Variants in CYP2C19 observed in about 807,000 individuals in gnomAD.
CYP2C19 encodes cytochrome P450 2C19.
CYP2C19 carries 59 observed loss-of-function variants against 40.9 expected under a neutral mutation model. The observed-to-expected ratio is 1.44, with a 90% confidence interval of 1.17 to 1.79. The LOEUF is 1.79. Among genes scored for constraint, CYP2C19 ranks in the 40% most tolerant of loss-of-function variants. The pLI is 0.00. For synonymous variants in CYP2C19, 253 were observed against 208.7 expected, an observed-to-expected ratio of 1.21 and a Z score of -1.83; for missense variants, 754 against 596.9, an observed-to-expected ratio of 1.26 and a Z score of -2.74.
intron 5 of CYP2C19, among the ~76,000 whole-genome samples, chr10:94,811,836 C>A (rs1848929795): frequency 6.6e-6 from 1 of 151,846 alleles, no homozygotes; most frequent in Non-Finnish European, 1.5e-5. Flanking sequence ...TCCAATTTGC[C>A]AGTCTGTGTC....
intron 6 of CYP2C19, among the ~76,000 whole-genome samples, chr10:94,835,739 A>G (rs1212209555): frequency 6.6e-6 from 1 of 152,138 alleles, no homozygotes; most frequent in African/African-American, 2.4e-5. Flanking sequence ...CTTCATGGAC[A>G]TGGAAGACTA....
chr10:94,765,995 A>G (rs1848236679), intron 1 of CYP2C19, among the ~76,000 whole-genome samples: 1 of 152,112 alleles, frequency 6.6e-6, no homozygotes, highest in African/African-American at 2.4e-5. Context: ...GAGGTTGGAA[A>G]TGTAAGAATG....
intron 8 of CYP2C19, 101 bp from the exon 9 acceptor site, chr10:94,852,632 C>G (rs749434165): frequency 7.8e-6 from 10 of 1,286,014 alleles, no homozygotes; most frequent in Non-Finnish European, 1.1e-5. Context: ...ATTCACCGAA[C>G]AGTTCTTGCA....
intron 1 of CYP2C19, among the ~76,000 whole-genome samples, chr10:94,769,331 A>T (rs1214157706): frequency 4.6e-5 from 7 of 152,144 alleles, no homozygotes; most frequent in African/African-American, 1.7e-4. Flanking sequence ...GACCAAAGAG[A>T]TGAGGGCTAT....
At chr10:94,790,320 A>T (rs9663112) in intron 5 of CYP2C19, among the ~76,000 whole-genome samples, 10,378 of 152,120 alleles carry the variant, frequency 0.068, 410 homozygotes, top group South Asian at 0.12. Context: ...CTCTTTTCCT[A>T]ATTGAATACC....
intron 6 of CYP2C19, among the ~76,000 whole-genome samples, chr10:94,821,457 G>A (rs1849120212): frequency 6.6e-6 from 1 of 152,276 alleles, no homozygotes; most frequent in East Asian, 1.9e-4. Flanking sequence ...AGTCTGATAA[G>A]TATTCTAAAA....
intron 7 of CYP2C19, among the ~76,000 whole-genome samples, chr10:94,848,565 T>A (rs566623724): frequency 1.3e-5 from 2 of 152,324 alleles, no homozygotes; most frequent in East Asian, 1.9e-4. Context: ...ATGCAGGCTC[T>A]TTTTTGGTTC....
At position 94,849,942 on chromosome 10, in the gene CYP2C19, C is replaced by A; in HGVS notation, c.1175C>A (p.Thr392Asn). Residue 392 changes from threonine to asparagine, a missense_variant, in exon 8 of 9, where the codon ACT becomes AAT. Thr to Asn is a moderately conservative substitution (Grantham distance 65). Coordinates refer to ENST00000371321, the MANE Select transcript of CYP2C19 (RefSeq NM_000769.4). ...GGCACAACCATATTAACTTCCCTCA[C>A]TTCTGTGCTACATGACAACAAAGAA... ...PKGTTILTSL[T>N]SVLHDNKEFP... is the part of the protein sequence containing the mutation. The A allele has an allele frequency of 7.4e-6, 12 of 1,613,788 alleles. No individual in the cohort carries two copies. The highest frequency in any genetic ancestry group is 1.0e-5 in the Non-Finnish European group (12 of 1,179,774).
At chr10:94,790,997 T>C (rs754296443) in intron 5 of CYP2C19, among the ~76,000 whole-genome samples, 3 of 152,184 alleles carry the variant, frequency 2.0e-5, no homozygotes, top group Non-Finnish European at 4.4e-5. Flanking sequence ...CCTCTGGTTC[T>C]GGACTTTTTT....
intron 6 of CYP2C19, among the ~76,000 whole-genome samples, chr10:94,823,230 T>C (rs1183880612): frequency 2.0e-5 from 3 of 152,134 alleles, no homozygotes; most frequent in Non-Finnish European, 4.4e-5. Flanking sequence ...AACGAGGCTC[T>C]CTCTGCCTAG....
At chr10:94,786,088 G>C (rs1020195695) in intron 5 of CYP2C19, among the ~76,000 whole-genome samples, 2 of 151,884 alleles carry the variant, frequency 1.3e-5, no homozygotes, top group African/African-American at 4.8e-5. Flanking sequence ...ACAAGAAGCT[G>C]CTCTTTTTCT....
intron 5 of CYP2C19, among the ~76,000 whole-genome samples, chr10:94,810,164 G>A (rs1477091233): frequency 1.3e-5 from 2 of 152,212 alleles, no homozygotes; most frequent in East Asian, 3.9e-4. Context: ...ATAGGCGTGA[G>A]CCACGTCGCC....
chr10:94,818,189 C>A (rs1299436399), intron 5 of CYP2C19, among the ~76,000 whole-genome samples: 1 of 146,614 alleles, frequency 6.8e-6, no homozygotes, highest in Non-Finnish European at 1.5e-5. Flanking sequence ...TGTCAAAGAT[C>A]AGATAGTTGT....
intron 5 of CYP2C19, among the ~76,000 whole-genome samples, chr10:94,817,810 G>A (rs1339720155): frequency 1.6e-4 from 23 of 147,962 alleles, no homozygotes; most frequent in South Asian, 1.5e-3. Flanking sequence ...TCAGGAGATC[G>A]AGACCATCCT....
At position 94,824,612 on chromosome 10, in the gene CYP2C19, G is replaced by A. The variant is rs1265652846; in HGVS notation, c.961+3975G>A. On this transcript the variant is annotated intron_variant, in intron 6 of 8. Coordinates refer to ENST00000371321, the MANE Select transcript of CYP2C19 (RefSeq NM_000769.4). The stretch of plus-strand genomic sequence containing the variant: ...TTAATTCCTGTTTTTTTCCAAGACA[G>A]TAATTTCATGACTAAATTTATGCTT... Among the ~76,000 whole-genome samples, 4 of 152,036 alleles carry A rather than the reference G, an allele frequency of 2.6e-5. No homozygotes were observed. The East Asian group carries it at 7.7e-4, about 29-fold the overall frequency.
intron 5 of CYP2C19, among the ~76,000 whole-genome samples, chr10:94,818,515 C>T (rs1411372333): frequency 6.8e-6 from 1 of 147,310 alleles, no homozygotes; most frequent in African/African-American, 2.5e-5. Context: ...ATTCTTCCTA[C>T]CCATGAGCAT....
chr10:94,847,506 G>T lies in CYP2C19; in HGVS notation c.1150-2411G>T, dbSNP rs539290488. 3.1e-3 allele frequency among the ~76,000 whole-genome samples: 476 copies of T among 152,086 alleles called. 3 individuals carry two copies. The highest frequency in any genetic ancestry group is 0.011 in the African/African-American group (450 of 41,502). On this transcript the variant is annotated intron_variant, in intron 7 of 8. Coordinates refer to ENST00000371321, the MANE Select transcript of CYP2C19 (RefSeq NM_000769.4). ...TGGATATTTGGGTTGATTCCAAGTC[G>T]TTGCTATTGTGAGTAGTGCTGCAAT...
chr10:94,763,206 A>G (rs374275898), intron 1 of CYP2C19, among the ~76,000 whole-genome samples: 7 of 152,250 alleles, frequency 4.6e-5, no homozygotes, highest in African/African-American at 1.7e-4. Flanking sequence ...TTGTTATTAG[A>G]GATTTTATTA....
chr10:94,769,210 T>C (rs1382540151), intron 1 of CYP2C19, among the ~76,000 whole-genome samples: 1 of 152,058 alleles, frequency 6.6e-6, no homozygotes, highest in Non-Finnish European at 1.5e-5. Flanking sequence ...AGATCTAGAG[T>C]ACCCTGCTGG....
Sources: allele counts gnomAD v4.1 joint callset (sites outside exome capture counted in the v4.1 genomes callset), GRCh38; gene constraint gnomAD v4.1.1; transcripts MANE v1.5; gene names NCBI Gene and HGNC (gene_info 2026-07-23, HGNC 2026-07-21).